The following RUFY1 variants were observed in gnomAD, a reference collection of about 807,000 sequenced individuals.
The protein encoded by RUFY1 is RUN and FYVE domain-containing protein 1.
RUFY1 carries 54 observed loss-of-function variants against 94.6 expected under a neutral mutation model. That is an observed-to-expected ratio of 0.57 (90% CI 0.46 to 0.72). RUFY1 has a LOEUF of 0.72. Ranked by LOEUF, RUFY1 falls within the 30% of genes least tolerant of loss-of-function variation. The pLI is 0.00. For synonymous variants in RUFY1, 396 were observed against 347.3 expected (o/e 1.14, Z -1.56); for missense variants, 883 against 883.9 (o/e 1.00, Z 0.01).
intron 15 of RUFY1, among the ~76,000 whole-genome samples, chr5:179,605,538 G>A (rs1016968654): frequency 6.6e-6 from 1 of 152,206 alleles, no homozygotes; most frequent in Non-Finnish European, 1.5e-5. Context: ...GAGCGGTAGA[G>A]ACTAGTGCAG....
Position 179,572,660 on chromosome 5 carries a change from G to T in RUFY1, c.828+3235G>T, listed in dbSNP as rs546753719. 1.9e-4 allele frequency: 34 copies of T among 177,612 alleles called. No homozygotes were observed. In the South Asian group the frequency reaches 3.6e-3, roughly 19 times the overall value. 11.0% of individuals were successfully genotyped at this position (177,612 alleles called of 1,614,324 possible). On this transcript the variant is annotated intron_variant, in intron 5 of 17. Transcript: ENST00000319449. ...CCAGTACGCAGATGAGCACGGGAAA[G>T]TTTGTCCCACTGGCTGGAAGCCTGG...
At chr5:179,559,789 G>A in intron 1 of RUFY1, 14 of 1,276,906 alleles carry the variant, frequency 1.1e-5, no homozygotes, top group Non-Finnish European at 1.4e-5. Context: ...GAGGCCTCTG[G>A]AGCAGGAGGC....
chr5:179,585,756 G>A (rs1764559886), intron 7 of RUFY1, 40 bp from the exon 8 acceptor site: 1 of 1,428,582 alleles, frequency 7.0e-7, no homozygotes, highest in Non-Finnish European at 9.9e-7. Flanking sequence ...CAGTCAGCTT[G>A]TATAAGTTTA....
In RUFY1 at chr5:179,550,593, CGCT is replaced by C. The variant is rs1561938428; in HGVS notation, c.29_31del (p.Ala10del). ...AGATGGCCGACCGGGAAGGCGGCTG[CGCT>C]GCTGGGCGGGGGCGGGAGCTGGAGC... On this transcript the variant is annotated inframe_deletion, in exon 1 of 18. Coordinates refer to ENST00000319449, the MANE Select transcript of RUFY1 (RefSeq NM_025158.5). The C allele has an allele frequency of 7.6e-7, 1 of 1,311,774 alleles. No homozygotes were observed. The highest frequency in any genetic ancestry group is 1.7e-5 in the South Asian group (1 of 59,750). The allele number at this position is 1,311,774 out of a possible 1,614,324, so 81.3% of individuals were successfully genotyped here. A position where few individuals can be genotyped will look rare whatever the true frequency, so the allele number is the denominator to read the frequency against.
At position 179,599,096 on chromosome 5, in the gene RUFY1, C is replaced by T. The variant is rs1207854411; in HGVS notation, c.1761+275C>T. On this transcript the variant is annotated intron_variant, in intron 14 of 17. Transcript: ENST00000319449. Reference sequence around the variant, plus strand: ...GTGTGCAAGGGGCCTGGGGAGGGAGCGACCGGTGAGCAGAGGCTCCAGTGA... The same window carrying T: ...GTGTGCAAGGGGCCTGGGGAGGGAGTGACCGGTGAGCAGAGGCTCCAGTGA... Among the ~76,000 whole-genome samples, 5 of 152,200 alleles carry T rather than the reference C, an allele frequency of 3.3e-5. No individual in the cohort carries two copies. The East Asian group carries it at 5.8e-4, about 18-fold the overall frequency.
At chr5:179,586,072 T>C (rs1764585280) in intron 8 of RUFY1, among the ~76,000 whole-genome samples, 1 of 152,136 alleles carries the variant, frequency 6.6e-6, no homozygotes, top group African/African-American at 2.4e-5. Flanking sequence ...ACGAGCCAGT[T>C]CTAAGTGACT....
chr5:179,593,596 AG>A lies in RUFY1; in HGVS notation c.1365del (p.Gln455HisfsTer44). On this transcript the variant is annotated frameshift_variant, in exon 11 of 18. Coordinates refer to ENST00000319449, the MANE Select transcript of RUFY1 (RefSeq NM_025158.5). LOFTEE classifies it high-confidence loss of function. Reference sequence around the variant, plus strand: ...GACACACTAGTTGCCCTCCGCCAGCAGCTGGAAGAAGTCAAAGCGATTAATT... The same window carrying A: ...GACACACTAGTTGCCCTCCGCCAGCACTGGAAGAAGTCAAAGCGATTAATT... ...KQDTLVALRQ[Q>X]LEEVKAINLQ... The A allele has an allele frequency of 6.2e-7, 1 of 1,614,228 alleles. No homozygotes were observed.
chr5:179,559,808 T>A (rs1762298123), intron 1 of RUFY1: 1 of 1,303,050 alleles, frequency 7.7e-7, no homozygotes, highest in Non-Finnish European at 9.7e-7. Flanking sequence ...GCCCAGTGGC[T>A]CTTCTGACCC....
At chr5:179,597,272 C>T (rs1032097519) in intron 13 of RUFY1, among the ~76,000 whole-genome samples, 1 of 151,626 alleles carries the variant, frequency 6.6e-6, no homozygotes, top group Non-Finnish European at 1.5e-5. Context: ...GTCTCACTCT[C>T]TTGCCCAGGC....
chr5:179,570,738 C>T (rs893614990), intron 5 of RUFY1, among the ~76,000 whole-genome samples: 27 of 152,044 alleles, frequency 1.8e-4, no homozygotes, highest in African/African-American at 6.3e-4. Context: ...TCCCTGATCC[C>T]TCCATGTGCA....
intron 5 of RUFY1, among the ~76,000 whole-genome samples, chr5:179,570,225 G>T (rs1193811251): frequency 6.6e-6 from 1 of 152,162 alleles, no homozygotes; most frequent in Admixed American, 6.5e-5. Flanking sequence ...TTGGGGAGCT[G>T]TTGGAGGTTT....
intron 8 of RUFY1, among the ~76,000 whole-genome samples, chr5:179,587,742 G>A (rs928763089): frequency 7.3e-5 from 11 of 151,384 alleles, no homozygotes; most frequent in African/African-American, 2.7e-4. Flanking sequence ...AATAGAAAAT[G>A]TGCTTCAGGC....
At chr5:179,569,514 G>A in intron 5 of RUFY1, 89 bp downstream of exon 5, 2 of 1,369,630 alleles carry the variant, frequency 1.5e-6, no homozygotes, top group Non-Finnish European at 2.1e-6. Flanking sequence ...ACCCAAAGAA[G>A]GGCAAATGGC....
Position 179,583,485 on chromosome 5 carries a change from C to T in RUFY1, c.957-2311C>T, listed in dbSNP as rs570189596. 6.1e-5 allele frequency among the ~76,000 whole-genome samples: 9 copies of T among 148,578 alleles called. No individual in the cohort carries two copies. In the East Asian group the frequency reaches 8.0e-4, roughly 13 times the overall value. Reference sequence around the variant, plus strand: ...AGGCTGGAGTGCAGTAGCGCGATCTCGGCTCACTGCAAGCTCCGCCTCCCA... The same window carrying T: ...AGGCTGGAGTGCAGTAGCGCGATCTTGGCTCACTGCAAGCTCCGCCTCCCA... On this transcript the variant is annotated intron_variant, in intron 7 of 17. Transcript: ENST00000319449.
intron 5 of RUFY1, chr5:179,572,215 G>A: frequency 3.3e-6 from 1 of 301,648 alleles, no homozygotes; most frequent in Non-Finnish European, 6.7e-6. Context: ...CCATTGCCCT[G>A]GTGGATGGCG....
At chr5:179,586,708 A>T (rs1764632438) in intron 8 of RUFY1, among the ~76,000 whole-genome samples, 1 of 152,104 alleles carries the variant, frequency 6.6e-6, no homozygotes, top group South Asian at 2.1e-4. Flanking sequence ...GTGTGAGTAG[A>T]AGGAAATTCA....
chr5:179,564,627 C>T (rs1050566509), intron 3 of RUFY1, among the ~76,000 whole-genome samples: 2 of 151,250 alleles, frequency 1.3e-5, no homozygotes, highest in South Asian at 2.1e-4. Flanking sequence ...GCAGAGATCA[C>T]GCCACCACTC....
intron 1 of RUFY1, among the ~76,000 whole-genome samples, chr5:179,559,335 A>C (rs1270544889): frequency 2.6e-5 from 4 of 152,182 alleles, no homozygotes; most frequent in Non-Finnish European, 5.9e-5. Context: ...AATTCATTTG[A>C]CTCCAACGGT....
rs755480302 is a variant in RUFY1 at position 179,589,509 on chromosome 5, T to G, written c.1027-37T>G. On this transcript the variant is annotated intron_variant, in intron 8 of 17. Coordinates refer to ENST00000319449, the MANE Select transcript of RUFY1 (RefSeq NM_025158.5). ...TTTTAATTTGAACAATAAGATTAAT[T>G]TTGATGTTAAGAACTGTAAAAATTT... 1.0e-5 allele frequency: 13 copies of G among 1,263,016 alleles called. No individual in the cohort carries two copies. The South Asian group carries it at 1.4e-4, about 14-fold the overall frequency. 78.2% of individuals were successfully genotyped at this position (1,263,016 alleles called of 1,614,324 possible).
Sources: allele counts gnomAD v4.1 joint callset (sites outside exome capture counted in the v4.1 genomes callset), GRCh38; gene constraint gnomAD v4.1.1; transcripts MANE v1.5; gene names NCBI Gene and HGNC (gene_info 2026-07-23, HGNC 2026-07-21).